ATP2B2: variants seen among roughly 807,000 people sequenced by gnomAD.
The protein encoded by ATP2B2 is ATPase plasma membrane Ca2+ transporting 2, also known as plasma membrane calcium-transporting ATPase 2.
Under a neutral mutation model 120.0 loss-of-function variants are expected in ATP2B2, and 15 were observed. That is an observed-to-expected ratio of 0.12 (90% confidence interval 0.08 to 0.19). ATP2B2 has a LOEUF of 0.19. ATP2B2 is among the 10% of genes least tolerant of loss of function. The pLI is 1.00. For synonymous variants in ATP2B2, 694 were observed against 700.3 expected (o/e 0.99, Z 0.14); for missense variants, 1,045 against 1,719.8 (o/e 0.61, Z 6.94).
rs556206364 is a variant in ATP2B2 at position 10,375,436 on chromosome 3, C to T, written c.1410G>A (p.Ser470=). 2.4e-5 allele frequency: 38 copies of T among 1,611,582 alleles called. No individual in the cohort carries two copies. Among genetic ancestry groups the T allele is most frequent in the East Asian group, 4.5e-5 (2 of 44,898 alleles). The change falls in exon 11 of 23, where the codon TCG becomes TCA. Residue 470 remains serine (S), a synonymous_variant. Coordinates refer to ENST00000360273, the MANE Select transcript of ATP2B2 (RefSeq NM_001001331.4). The surrounding 1 kb of genome is among the most constrained non-coding windows in gnomAD (Gnocchi z 4.2). ...PLAVTISLAY[S]VKKMMKDNNL... ...TGCTCTCCTCCCCTCTCACCTTCAC[C>T]GAATAGGCCAACGAGATGGTGACGG...
chr3:10,599,300 G>A (rs558219263), intron 2 of ATP2B2, among the ~76,000 whole-genome samples: 77 of 152,226 alleles, frequency 5.1e-4, no homozygotes, highest in South Asian at 1.7e-3. Context: ...ACTGCTTCTC[G>A]CCATTGGTTC....
intron 2 of ATP2B2, among the ~76,000 whole-genome samples, chr3:10,416,194 C>T (rs900646238): frequency 2.6e-5 from 4 of 152,196 alleles, no homozygotes; most frequent in African/African-American, 4.8e-5. Flanking sequence ...ACAGCCACGG[C>T]GCAAAGTGAG....
intron 2 of ATP2B2, among the ~76,000 whole-genome samples, chr3:10,542,751 C>A (rs2067467016): frequency 6.6e-6 from 1 of 152,110 alleles, no homozygotes; most frequent in South Asian, 2.1e-4. Context: ...TTTCTCACTG[C>A]CTTCAAGATT....
Position 10,449,483 on chromosome 3 carries a change from C to T in ATP2B2, c.61G>A (p.Gly21Arg). 1 of 1,614,268 alleles carries T rather than the reference C, an allele frequency of 6.2e-7. No homozygotes were observed. The highest frequency in any genetic ancestry group is 8.5e-7 in the Non-Finnish European group (1 of 1,180,046). ...TCCATTGTGCACCCGAACTCGCCCC[C>T]ATGGCTCGACTCATTTCTTTGGTTT... ...SKNQRNESSH[G>R]GEFGCTMEEL... Residue 21 changes from glycine (G) to arginine (R), a missense_variant, in exon 2 of 23, where the codon GGG (glycine) becomes AGG (arginine). Physicochemically the swap from Gly to Arg is moderately radical, Grantham distance 125. Transcript: ENST00000360273.
At chr3:10,649,733 T>C (rs1489000458) in intron 1 of ATP2B2, among the ~76,000 whole-genome samples, 1 of 152,094 alleles carries the variant, frequency 6.6e-6, no homozygotes, top group East Asian at 1.9e-4. Flanking sequence ...AGGGACCTGG[T>C]GGGAGGTAAT....
rs549395683 is a variant in ATP2B2 at position 10,678,260 on chromosome 3, A to G, written c.-460+29655T>C. ...TAATAAAATGTTTAATAAAGGCTGG[A>G]TGGGCATCCCCAGGTTTACTGAAAC... On this transcript the variant is annotated intron_variant, in intron 1 of 21. Transcript: ENST00000646379. Among the ~76,000 whole-genome samples the G allele has an allele frequency of 5.9e-5, 9 of 152,356 alleles. No homozygotes were observed. The East Asian group carries it at 1.7e-3, about 29-fold the overall frequency.
At chr3:10,332,274 C>T (rs796222185) in intron 22 of ATP2B2, 2 of 536,528 alleles carry the variant, frequency 3.7e-6, no homozygotes, top group Non-Finnish European at 6.8e-6. Context: ...GCAGGAGGTG[C>T]CTTATCTGTC....
intron 1 of ATP2B2, among the ~76,000 whole-genome samples, chr3:10,689,958 T>G (rs143322316): frequency 6.6e-6 from 1 of 152,152 alleles, no homozygotes; most frequent in African/African-American, 2.4e-5. Context: ...CCACAGAAGC[T>G]CTACAGAGAG....
chr3:10,512,982 A>C (rs2066802756), intron 3 of ATP2B2, among the ~76,000 whole-genome samples: 1 of 152,136 alleles, frequency 6.6e-6, no homozygotes, highest in African/African-American at 2.4e-5. Context: ...CCATCGACTT[A>C]TTTATTTCAC....
chr3:10,565,381 A>T (rs951425680), intron 2 of ATP2B2, among the ~76,000 whole-genome samples: 3 of 151,756 alleles, frequency 2.0e-5, no homozygotes, highest in African/African-American at 7.3e-5. Flanking sequence ...GCTGTTCCCC[A>T]TCTCTCGCGT....
intron 2 of ATP2B2, 148 bp from the exon 3 acceptor site, chr3:10,410,963 T>C (rs1413155128): frequency 6.1e-6 from 6 of 982,138 alleles, no homozygotes; most frequent in African/African-American, 1.6e-5. Context: ...CTTTGGGCCC[T>C]AAGTTGGTTC....
chr3:10,478,391 T>C (rs9820142), intron 1 of ATP2B2, among the ~76,000 whole-genome samples: 13,195 of 152,280 alleles, frequency 0.087, 1,810 homozygotes, highest in African/African-American at 0.29. Flanking sequence ...CCAATTTATC[T>C]ACTTTTTCTT....
intron 1 of ATP2B2, among the ~76,000 whole-genome samples, chr3:10,460,741 C>T (rs1225720558): frequency 6.6e-6 from 1 of 152,202 alleles, no homozygotes; most frequent in East Asian, 1.9e-4. Flanking sequence ...TTCAGTCCAT[C>T]AGTGCCATCT....
chr3:10,678,243 T>C (rs941216806), intron 1 of ATP2B2, among the ~76,000 whole-genome samples: 1 of 152,250 alleles, frequency 6.6e-6, no homozygotes, highest in Non-Finnish European at 1.5e-5. Flanking sequence ...GATAATAAAA[T>C]GTTTAATAAA....
intron 2 of ATP2B2, among the ~76,000 whole-genome samples, chr3:10,432,589 G>T (rs1264528059): frequency 6.6e-6 from 1 of 152,210 alleles, no homozygotes; most frequent in Non-Finnish European, 1.5e-5. Flanking sequence ...CTTTCCCCTC[G>T]CCTAGGTAAT....
At chr3:10,427,016 G>T (rs961174254) in intron 2 of ATP2B2, among the ~76,000 whole-genome samples, 1 of 152,168 alleles carries the variant, frequency 6.6e-6, no homozygotes, top group Non-Finnish European at 1.5e-5. Context: ...AAGACTGCAG[G>T]GCCTGCATTA....
intron 1 of ATP2B2, among the ~76,000 whole-genome samples, chr3:10,498,297 G>T (rs2066237131): frequency 6.6e-6 from 1 of 152,246 alleles, no homozygotes; most frequent in African/African-American, 2.4e-5. Context: ...CCCAGATGTT[G>T]TCCTCAACTA....
chr3:10,339,295 G>A lies in ATP2B2; in HGVS notation c.3238-937C>T, dbSNP rs763348767. 3.2e-4 allele frequency among the ~76,000 whole-genome samples: 48 copies of A among 152,338 alleles called. 1 individual carries two copies. Among genetic ancestry groups the A allele is most frequent in the Middle Eastern group, 6.8e-3 (2 of 294 alleles). On this transcript the variant is annotated intron_variant, in intron 21 of 22. Transcript: ENST00000360273. ...CCCAAAGGTTACAGGAAGTCCTTTT[G>A]GATGAAACTAAACTTTCTTATTTAT...
chr3:10,633,460 T>A (rs973175869), intron 1 of ATP2B2, among the ~76,000 whole-genome samples: 1 of 152,196 alleles, frequency 6.6e-6, no homozygotes, highest in Non-Finnish European at 1.5e-5. Flanking sequence ...TTTTTTAAGT[T>A]AACAAGTCTT....
Sources: gnomAD v4.1 joint callset for allele counts (sites outside exome capture counted in the v4.1 genomes callset) on GRCh38, gnomAD v4.1.1 for gene constraint, Gnocchi (gnomAD v3.1) non-coding constraint, MANE v1.5 for transcripts, NCBI Gene and HGNC (gene_info 2026-07-23, HGNC 2026-07-21) for gene names.